The following MRPS6 variants were observed in gnomAD, a reference collection of about 807,000 sequenced individuals.
MRPS6 encodes mitochondrial ribosomal protein S6, also known as small ribosomal subunit protein bS6m.
MRPS6 carries 6 observed loss-of-function variants against 13.1 expected under a neutral mutation model. The ratio of observed to expected loss-of-function variants is 0.46; its 90% CI spans 0.25 to 0.91. The LOEUF (loss-of-function observed/expected upper bound fraction) is 0.91. Among genes scored for constraint, MRPS6 ranks in the 40% least tolerant of loss-of-function variants. The pLI, the probability that MRPS6 is intolerant of heterozygous loss-of-function variation, is 0.18. For missense variants in MRPS6, 164 were observed against 155.6 expected, an observed-to-expected ratio of 1.05 and a Z score of -0.29; for synonymous variants, 61 against 56.5, an observed-to-expected ratio of 1.08 and a Z score of -0.36.
chr21:34,094,857 T>G, intron 1 of MRPS6: 1 of 213,308 alleles, frequency 4.7e-6, no homozygotes, highest in Non-Finnish European at 9.2e-6. Flanking sequence ...CTCTGCTGCC[T>G]TGCAGGGTTG....
intron 1 of MRPS6, chr21:34,122,474 T>C (rs1013428876): frequency 6.6e-6 from 1 of 152,194 alleles, no homozygotes; most frequent in African/African-American, 2.4e-5. Context: ...ATTTTTTTTT[T>C]TATATTTTCC....
At chr21:34,095,702 G>A (rs750330466) in intron 1 of MRPS6, 2 of 1,613,800 alleles carry the variant, frequency 1.2e-6, no homozygotes, top group South Asian at 2.2e-5. Context: ...TCATTGGCAT[G>A]ACTGCTTTGC....
chr21:34,140,568 A>G (rs766622089), intron 2 of MRPS6, among the ~76,000 whole-genome samples: 4 of 152,216 alleles, frequency 2.6e-5, no homozygotes, highest in African/African-American at 9.6e-5. Flanking sequence ...AATGTCAGTT[A>G]ACTCCACTTG....
intron 2 of MRPS6, among the ~76,000 whole-genome samples, chr21:34,133,154 A>G (rs1186247754): frequency 6.6e-6 from 1 of 152,232 alleles, no homozygotes; most frequent in Admixed American, 6.5e-5. Flanking sequence ...AAAGCTGTGA[A>G]AGTACTTTGA....
At chr21:34,097,884 G>T in intron 1 of MRPS6, 1 of 996,960 alleles carries the variant, frequency 1.0e-6, no homozygotes, top group Non-Finnish European at 1.2e-6. Context: ...GGTTCATTTT[G>T]TTAGCATGAG....
At chr21:34,106,154 A>G in intron 1 of MRPS6, 3 of 993,130 alleles carry the variant, frequency 3.0e-6, no homozygotes, top group Non-Finnish European at 3.6e-6. Context: ...CATTTCTTGC[A>G]AAGTACATTC....
At chr21:34,135,310 A>G (rs1980651361) in intron 2 of MRPS6, 1 of 231,800 alleles carries the variant, frequency 4.3e-6, no homozygotes, top group Non-Finnish European at 8.6e-6. Flanking sequence ...TGTTTAGGAA[A>G]GTGCCAAACT....
At chr21:34,123,489 T>C (rs774284902) in intron 1 of MRPS6, 18 of 152,028 alleles carry the variant, frequency 1.2e-4, no homozygotes, top group Non-Finnish European at 2.2e-4. Context: ...TTCCACTTAA[T>C]AGCTGCCCTG....
At chr21:34,119,297 C>T (rs1980038749) in intron 1 of MRPS6, among the ~76,000 whole-genome samples, 1 of 152,200 alleles carries the variant, frequency 6.6e-6, no homozygotes, top group African/African-American at 2.4e-5. Context: ...GAACTTCAGC[C>T]ACTTTCCATG....
intron 1 of MRPS6, chr21:34,100,296 A>G: frequency 1.0e-6 from 1 of 1,000,234 alleles, no homozygotes; most frequent in Non-Finnish European, 1.2e-6. Context: ...ATTGGTATGC[A>G]GGATGATTAT....
At chr21:34,140,014 A>C (rs2123278375) in intron 2 of MRPS6, among the ~76,000 whole-genome samples, 1 of 152,024 alleles carries the variant, frequency 6.6e-6, no homozygotes, top group Non-Finnish European at 1.5e-5. Context: ...AGAGGCCCTT[A>C]CCTCTTTTTA....
intron 1 of MRPS6, chr21:34,102,793 A>G (rs1979306977): frequency 1.0e-6 from 1 of 1,000,076 alleles, no homozygotes; most frequent in Non-Finnish European, 1.2e-6. Flanking sequence ...ACTATAACAT[A>G]ATTGTTGTCC....
At chr21:34,135,348 T>TTTTG in intron 2 of MRPS6, 1 of 111,592 alleles carries the variant, frequency 9.0e-6, no homozygotes, top group Non-Finnish European at 1.6e-5. Flanking sequence ...GAGAGCCGGT[T>TTTTG]TTTTTTTTTT....
At chr21:34,107,580 A>G (rs1455659284) in intron 1 of MRPS6, among the ~76,000 whole-genome samples, 1 of 152,174 alleles carries the variant, frequency 6.6e-6, no homozygotes, top group Non-Finnish European at 1.5e-5. Context: ...TCATTTATCT[A>G]TGAATCTTGC....
At chr21:34,135,726 A>C in intron 2 of MRPS6, 1 of 417,716 alleles carries the variant, frequency 2.4e-6, no homozygotes, top group South Asian at 2.2e-5. Context: ...CCTGGAGGTG[A>C]GGGTTCTCGC....
chr21:34,110,346 CCCAGCTACTCAAGAGG>C (rs556305926), intron 1 of MRPS6, among the ~76,000 whole-genome samples: 345 of 152,208 alleles, frequency 2.3e-3, no homozygotes, highest in African/African-American at 7.2e-3. Context: ...CACCTGTAGT[CCCAGCTACTCAAGAGG>C]CCAGCTACTC....
chr21:34,114,010 A>T (rs1433184726), intron 1 of MRPS6, among the ~76,000 whole-genome samples: 1 of 152,130 alleles, frequency 6.6e-6, no homozygotes, highest in Non-Finnish European at 1.5e-5. Flanking sequence ...TGCCTACCTG[A>T]TTCCTGCTCC....
intron 1 of MRPS6, among the ~76,000 whole-genome samples, chr21:34,076,501 C>T (rs796178054): frequency 1.3e-5 from 2 of 152,124 alleles, no homozygotes; most frequent in Non-Finnish European, 2.9e-5. Context: ...ATGTTTTTCT[C>T]AGTTTGCAAG....
At chr21:34,086,834 G>A (rs1402806638) in intron 1 of MRPS6, among the ~76,000 whole-genome samples, 2 of 382 alleles carry the variant, frequency 5.2e-3, no homozygotes, top group Non-Finnish European at 0.01. Flanking sequence ...AGAGGTGGAA[G>A]AGGATTCTTC....
Sources: allele counts gnomAD v4.1 joint callset (sites outside exome capture counted in the v4.1 genomes callset), GRCh38; gene constraint gnomAD v4.1.1; transcripts MANE v1.5; gene names NCBI Gene and HGNC (gene_info 2026-07-23, HGNC 2026-07-21).